The following POMGNT2 variants were observed in gnomAD, a reference collection of about 807,000 sequenced individuals.
POMGNT2 encodes protein O-linked-mannose beta-1,4-N-acetylglucosaminyltransferase 2.
A neutral mutation model predicts 37.8 loss-of-function variants in POMGNT2; 32 were observed. That is an observed-to-expected ratio of 0.85 (90% CI 0.64 to 1.14). POMGNT2 has a LOEUF of 1.14. Ranked by LOEUF, POMGNT2 falls within the 50% of genes most tolerant of loss-of-function variation. The probability of loss-of-function intolerance (pLI) is 0.00; values close to 1 mark genes in which losing one functional copy is unlikely to be tolerated. For synonymous variants in POMGNT2, 340 were observed against 336.8 expected, an observed-to-expected ratio of 1.01 and a Z score of -0.10; for missense variants, 705 against 780.6, an observed-to-expected ratio of 0.90 and a Z score of 1.15.
At position 43,098,037 on chromosome 3, in the gene POMGNT2, C is replaced by A. The variant is rs1407406539; in HGVS notation, c.-106+7799G>T. Among the ~76,000 whole-genome samples the A allele has an allele frequency of 6.6e-6, 1 of 152,228 alleles. No individual in the cohort carries two copies. The highest frequency in any genetic ancestry group is 2.1e-4 in the South Asian group (1 of 4,836). On this transcript the variant is annotated intron_variant, in intron 1 of 1. Transcript: ENST00000344697. The surrounding 1 kb of genome is among the most constrained non-coding windows in gnomAD (Gnocchi z 4.3). ...AGAGGTGGAGGGACCAGACAGCCAG[C>A]ACCTGCCAGACCCAGGCTGCAGAAG...
Position 43,098,895 on chromosome 3 carries a change from A to C in POMGNT2, c.-106+6941T>G, listed in dbSNP as rs2089997827. Among the ~76,000 whole-genome samples the C allele has an allele frequency of 7.1e-6, 1 of 140,820 alleles. No homozygotes were observed. Among genetic ancestry groups the C allele is most frequent in the South Asian group, 2.4e-4 (1 of 4,248 alleles). The allele number at this position is 140,820 out of a possible 152,430, so 92.4% of individuals were successfully genotyped here. On this transcript the variant is annotated intron_variant, in intron 1 of 1. Transcript: ENST00000344697. The surrounding 1 kb of genome is among the most constrained non-coding windows in gnomAD (Gnocchi z 4.3). ...CCTCTCACCGGTTTTCAGCCTCCAA[A>C]TAACGCAGAAACCTTTGCTTGCCAC...
chr3:43,096,135 A>G (rs945931400), intron 1 of POMGNT2, among the ~76,000 whole-genome samples: 20 of 152,146 alleles, frequency 1.3e-4, no homozygotes, highest in Admixed American at 8.5e-4. Context: ...AACTAGGAAA[A>G]GCTGCCTCTT....
intron 1 of POMGNT2, among the ~76,000 whole-genome samples, chr3:43,083,210 G>T (rs2089869886): frequency 1.3e-5 from 2 of 151,820 alleles, no homozygotes; most frequent in African/African-American, 4.8e-5. Flanking sequence ...CTAGTACACT[G>T]TATTCTAAGT....
intron 1 of POMGNT2, among the ~76,000 whole-genome samples, chr3:43,089,672 G>A (rs2089927170): frequency 6.6e-6 from 1 of 152,100 alleles, no homozygotes; most frequent in South Asian, 2.1e-4. Flanking sequence ...GAAGCTGGTG[G>A]GTCACACTCT....
At chr3:43,093,377 C>T (rs1382921896) in intron 1 of POMGNT2, among the ~76,000 whole-genome samples, 1 of 152,214 alleles carries the variant, frequency 6.6e-6, no homozygotes, top group Non-Finnish European at 1.5e-5. Context: ...TAGTCCCTAA[C>T]CCCTCCCAAC....
rs750167854 is a variant in POMGNT2, at chr3:43,079,650, C to G, written c.*39G>C. Reference sequence around the variant, plus strand: ...TAATGGGCCCAGGGACGCTGAACTGCAGGAGCCACCTTCCCGAGGCCAGGC... The same window carrying G: ...TAATGGGCCCAGGGACGCTGAACTGGAGGAGCCACCTTCCCGAGGCCAGGC... On this transcript the variant is annotated 3_prime_UTR_variant, in exon 2 of 2. Transcript: ENST00000344697. The G allele has an allele frequency of 3.8e-6, 6 of 1,572,222 alleles. No individual in the cohort carries two copies. In the South Asian group the frequency reaches 7.1e-5, roughly 19 times the overall value.
At position 43,080,277 on chromosome 3, in the gene POMGNT2, G is replaced by T; in HGVS notation, c.1155C>A (p.Gly385=). The change falls in exon 2 of 2, where the codon GGC becomes GGA. Residue 385 remains glycine (G), a synonymous_variant. Transcript: ENST00000344697. Reference sequence around the variant, plus strand: ...GCCAGGCTACATACTGGAGGTCCATGCCAGGCAGCATGGCCAGCGTCTTAT... The same window carrying T: ...GCCAGGCTACATACTGGAGGTCCATTCCAGGCAGCATGGCCAGCGTCTTAT... ...TPYKTLAMLP[G]MDLQYVAWRN... 1 of 1,614,208 alleles carries T rather than the reference G, an allele frequency of 6.2e-7. No homozygotes were observed. Among genetic ancestry groups the T allele is most frequent in the East Asian group, 2.2e-5 (1 of 44,868 alleles).
At chr3:43,084,436 G>C (rs2089879701) in intron 1 of POMGNT2, among the ~76,000 whole-genome samples, 1 of 152,112 alleles carries the variant, frequency 6.6e-6, no homozygotes, top group African/African-American at 2.4e-5. Context: ...ACGAGGTCAG[G>C]AGTTCGAGAC....
chr3:43,094,873 A>G (rs947551144), intron 1 of POMGNT2, among the ~76,000 whole-genome samples: 8 of 152,174 alleles, frequency 5.3e-5, no homozygotes. Flanking sequence ...CAGAGCTGGA[A>G]TGTGCCTCTC....
At chr3:43,100,790 AAG>A (rs2125711881) in intron 1 of POMGNT2, among the ~76,000 whole-genome samples, 1 of 152,304 alleles carries the variant, frequency 6.6e-6, no homozygotes, top group South Asian at 2.1e-4. Flanking sequence ...GACAATTTTT[AAG>A]AGTCAGGGCC....
At position 43,080,482 on chromosome 3, in the gene POMGNT2, T is replaced by C. The variant is rs1207636018; in HGVS notation, c.950A>G (p.Lys317Arg). ...GTCCTCCAGGGACACTGTCACTGTCTTCATCTGGAACTCCTGGGCCAGTGC... is the reference window on the plus strand; with the variant it reads ...GTCCTCCAGGGACACTGTCACTGTCCTCATCTGGAACTCCTGGGCCAGTGC... ...LLALAQEFQM[K>R]TVTVSLEDHT... The change falls in exon 2 of 2, where the codon AAG becomes AGG. Residue 317 changes from lysine (K) to arginine (R), a missense_variant. Coordinates refer to ENST00000344697, the MANE Select transcript of POMGNT2 (RefSeq NM_032806.6). The C allele has an allele frequency of 1.9e-6, 3 of 1,614,062 alleles. No individual in the cohort carries two copies. Among genetic ancestry groups the C allele is most frequent in the Non-Finnish European group, 2.5e-6 (3 of 1,180,034 alleles).
At chr3:43,087,176 A>G (rs2089904099) in intron 1 of POMGNT2, among the ~76,000 whole-genome samples, 1 of 152,230 alleles carries the variant, frequency 6.6e-6, no homozygotes, top group Non-Finnish European at 1.5e-5. Context: ...CCTCAATCTT[A>G]GACTTCTGGC....
In POMGNT2 at chr3:43,098,685, T is replaced by C. The variant is rs2089996350; in HGVS notation, c.-106+7151A>G. 6.6e-6 allele frequency among the ~76,000 whole-genome samples: 1 copy of C among 152,208 alleles called. No homozygotes were observed. Among genetic ancestry groups the C allele is most frequent in the African/African-American group, 2.4e-5 (1 of 41,456 alleles). ...GCTGGAGACATTAATCCACCATCAA[T>C]AGCTGATGACTGTGACTATATTGCC... On this transcript the variant is annotated intron_variant, in intron 1 of 1. Transcript: ENST00000344697. The surrounding 1 kb of genome is among the most constrained non-coding windows in gnomAD (Gnocchi z 4.3).
chr3:43,081,542 GGAGGA>G lies in POMGNT2; in HGVS notation c.-105-11_-105-7del. ...TCCTGAGAACTGGTGAAAGCCTGCA[GGAGGA>G]GAGAAGGAAAAGAAAAAGGAATTGG... On this transcript the variant is annotated splice_region_variant and splice_polypyrimidine_tract_variant and intron_variant, in intron 1 of 1. Transcript: ENST00000344697. The G allele has an allele frequency of 1.1e-6, 1 of 936,104 alleles. No individual in the cohort carries two copies. Among genetic ancestry groups the G allele is most frequent in the Middle Eastern group, 3.2e-4 (1 of 3,136 alleles). 58.0% of individuals were successfully genotyped at this position (936,104 alleles called of 1,614,324 possible). A position where few individuals can be genotyped will look rare whatever the true frequency, so the allele number is the denominator to read the frequency against.
At position 43,080,319 on chromosome 3, in the gene POMGNT2, G is replaced by A. The variant is rs772146015; in HGVS notation, c.1113C>T (p.Pro371=). 5.1e-5 allele frequency: 82 copies of A among 1,614,048 alleles called. No individual in the cohort carries two copies. In the Admixed American group the frequency reaches 9.7e-4, roughly 19 times the overall value. ...GCGTCTTATAGGGAGTGTAGTGGTC[G>A]GGATTGACAGCATATGGGAAGAGCT... The part of the protein sequence containing the change: ...VVELFPYAVN[P]DHYTPYKTLA... The change falls in exon 2 of 2, where the codon CCC becomes CCT. Residue 371 remains proline, a synonymous_variant. Coordinates refer to ENST00000344697, the MANE Select transcript of POMGNT2 (RefSeq NM_032806.6).
At position 43,081,150 on chromosome 3, in the gene POMGNT2, G is replaced by A. The variant is rs972971988; in HGVS notation, c.282C>T (p.Ile94=). The A allele has an allele frequency of 1.2e-6, 2 of 1,614,242 alleles. No individual in the cohort carries two copies. Among genetic ancestry groups the A allele is most frequent in the Admixed American group, 1.7e-5 (1 of 60,034 alleles). Residue 94 remains isoleucine (I), a synonymous_variant, in exon 2 of 2, where the codon ATC becomes ATT. Coordinates refer to ENST00000344697, the MANE Select transcript of POMGNT2 (RefSeq NM_032806.6). ...LCYSNEAEEF[I]FFHGNTSVML... ...TGACAGAGGTGTTGCCATGGAAGAA[G>A]ATGAACTCCTCAGCCTCGTTGGAGT... is the stretch of plus-strand genomic sequence containing the variant.
rs2089826237 is a variant in POMGNT2 at position 43,079,570 on chromosome 3, T to G, written c.*119A>C. 3.5e-6 allele frequency: 3 copies of G among 857,562 alleles called. No homozygotes were observed. Among genetic ancestry groups the G allele is most frequent in the Non-Finnish European group, 5.4e-6 (3 of 559,504 alleles). The allele number at this position is 857,562 out of a possible 1,614,324, so 53.1% of individuals were successfully genotyped here. A position where few individuals can be genotyped will look rare whatever the true frequency, so the allele number is the denominator to read the frequency against. On this transcript the variant is annotated 3_prime_UTR_variant, in exon 2 of 2. Transcript: ENST00000344697. Reference sequence around the variant, plus strand: ...CCACACCCCAGAGACAACAAGATGATGTGGAGGCACAGGCCTGCTCAATAA... The same window carrying G: ...CCACACCCCAGAGACAACAAGATGAGGTGGAGGCACAGGCCTGCTCAATAA...
rs771465179 is a variant in POMGNT2 at position 43,079,540 on chromosome 3, T to A, written c.*149A>T. The A allele has an allele frequency of 1.5e-6, 1 of 682,178 alleles. No individual in the cohort carries two copies. The highest frequency in any genetic ancestry group is 1.8e-5 in the African/African-American group (1 of 55,216). 42.3% of individuals were successfully genotyped at this position (682,178 alleles called of 1,614,324 possible). ...ATCTCTAGGGCAAAGAGGAGTGCTG[T>A]GACACCACACCCCAGAGACAACAAG... On this transcript the variant is annotated 3_prime_UTR_variant, in exon 2 of 2. Coordinates refer to ENST00000344697, the MANE Select transcript of POMGNT2 (RefSeq NM_032806.6).
chr3:43,091,141 G>A (rs1421604301), intron 1 of POMGNT2, among the ~76,000 whole-genome samples: 1 of 152,104 alleles, frequency 6.6e-6, no homozygotes, highest in Non-Finnish European at 1.5e-5. Context: ...CCAGATCTGT[G>A]TTTCTAAAAA....
Sources: gnomAD v4.1 joint callset for allele counts (sites outside exome capture counted in the v4.1 genomes callset) on GRCh38, gnomAD v4.1.1 for gene constraint, Gnocchi (gnomAD v3.1) non-coding constraint, MANE v1.5 for transcripts, NCBI Gene and HGNC (gene_info 2026-07-23, HGNC 2026-07-21) for gene names.